Variants in FRMD3 observed in about 807,000 individuals in gnomAD.
The protein encoded by FRMD3 is FERM domain containing 3.
A neutral mutation model predicts 70.2 loss-of-function variants in FRMD3; 33 were observed. The observed-to-expected ratio is 0.47, with a 90% CI of 0.36 to 0.63. FRMD3 has a LOEUF of 0.63. Ranked by LOEUF, FRMD3 falls within the 20% of genes least tolerant of loss-of-function variation. The pLI is 0.00. For synonymous variants in FRMD3, 279 were observed against 255.9 expected (o/e 1.09, Z -0.86); for missense variants, 632 against 711.4 (o/e 0.89, Z 1.27).
At chr9:83,469,615 G>C (rs1401733739) in intron 1 of FRMD3, among the ~76,000 whole-genome samples, 1 of 152,122 alleles carries the variant, frequency 6.6e-6, no homozygotes, top group African/African-American at 2.4e-5. Context: ...TGATAAGGAT[G>C]TATGAACCAC....
chr9:83,485,967 G>A (rs575972559), intron 1 of FRMD3, among the ~76,000 whole-genome samples: 10 of 151,894 alleles, frequency 6.6e-5, no homozygotes, highest in Admixed American at 3.3e-4. Flanking sequence ...TAATGTATAT[G>A]TTGTATATCA....
At chr9:83,444,774 G>A (rs1021786993) in intron 1 of FRMD3, among the ~76,000 whole-genome samples, 1 of 152,160 alleles carries the variant, frequency 6.6e-6, no homozygotes, top group Non-Finnish European at 1.5e-5. Context: ...CTATTTTCTT[G>A]TGCAGCCCCA....
chr9:83,558,033 G>C, the FRMD3 span, among the ~76,000 whole-genome samples: 1 of 152,192 alleles, frequency 6.6e-6, no homozygotes, highest in African/African-American at 2.4e-5. Context: ...CATGAGATCA[G>C]AGTATCACTC....
At chr9:83,436,561 T>C (rs151223839) in intron 1 of FRMD3, among the ~76,000 whole-genome samples, 1 of 151,550 alleles carries the variant, frequency 6.6e-6, no homozygotes, top group East Asian at 1.9e-4. Flanking sequence ...TCATTTGAAA[T>C]ATTGCAATTC....
chr9:83,494,418 G>T (rs1828894727), intron 1 of FRMD3, among the ~76,000 whole-genome samples: 1 of 152,088 alleles, frequency 6.6e-6, no homozygotes, highest in African/African-American at 2.4e-5. Context: ...CAATTTGGTT[G>T]TTTTTTAAAT....
At chr9:83,507,736 A>ATATATATATATATATATC (rs1554713917) in intron 1 of FRMD3, among the ~76,000 whole-genome samples, 1 of 88,696 alleles carries the variant, frequency 1.1e-5, no homozygotes, top group African/African-American at 3.8e-5. Flanking sequence ...ATATATATAT[A>ATATATATATATATATATC]TATCTTCTGG....
chr9:83,294,687 G>A (rs1456871444), intron 12 of FRMD3, among the ~76,000 whole-genome samples: 1 of 152,178 alleles, frequency 6.6e-6, no homozygotes, highest in East Asian at 1.9e-4. Context: ...TGTGACTAAA[G>A]ACGCTTATAT....
the FRMD3 span, among the ~76,000 whole-genome samples, chr9:83,546,126 G>A: frequency 6.6e-6 from 1 of 152,124 alleles, no homozygotes; most frequent in Non-Finnish European, 1.5e-5. Context: ...AGAGGCCAAG[G>A]TGGGTGGATC....
At chr9:83,326,021 C>T (rs1223578675) in intron 6 of FRMD3, among the ~76,000 whole-genome samples, 1 of 152,156 alleles carries the variant, frequency 6.6e-6, no homozygotes, top group African/African-American at 2.4e-5. Flanking sequence ...GTATGTTCTA[C>T]AAAGCCTAAA....
intron 1 of FRMD3, among the ~76,000 whole-genome samples, chr9:83,437,354 A>G (rs554065357): frequency 9.1e-4 from 138 of 152,274 alleles, no homozygotes; most frequent in Non-Finnish European, 1.5e-3. Flanking sequence ...AGTTTCTTTG[A>G]CTATATAGAC....
At chr9:83,527,391 C>T (rs1349570855) in intron 1 of FRMD3, among the ~76,000 whole-genome samples, 2 of 152,138 alleles carry the variant, frequency 1.3e-5, no homozygotes, top group Non-Finnish European at 1.5e-5. Flanking sequence ...GATAGACACA[C>T]CAGGATGGAT....
At chr9:83,317,753 A>C (rs1260906938) in intron 6 of FRMD3, among the ~76,000 whole-genome samples, 2 of 152,148 alleles carry the variant, frequency 1.3e-5, no homozygotes, top group Non-Finnish European at 2.9e-5. Context: ...AGCCAATCCC[A>C]GATGGCAGCA....
At chr9:83,374,282 T>G (rs7847162) in intron 2 of FRMD3, among the ~76,000 whole-genome samples, 2 of 151,808 alleles carry the variant, frequency 1.3e-5, no homozygotes, top group East Asian at 3.9e-4. Context: ...GTCAAATTAG[T>G]GGTTTCTAAT....
At chr9:83,366,508 G>C (rs1355213878) in intron 3 of FRMD3, among the ~76,000 whole-genome samples, 1 of 152,122 alleles carries the variant, frequency 6.6e-6, no homozygotes, top group Non-Finnish European at 1.5e-5. Context: ...AGGAGGCGGA[G>C]GTTGCAGTGA....
At chr9:83,262,499 T>C (rs1256996199) in intron 13 of FRMD3, among the ~76,000 whole-genome samples, 2 of 152,250 alleles carry the variant, frequency 1.3e-5, no homozygotes, top group African/African-American at 4.8e-5. Flanking sequence ...GTCCAGCTTA[T>C]TGTAAGTTGT....
At chr9:83,480,673 T>C (rs563349566) in intron 1 of FRMD3, among the ~76,000 whole-genome samples, 3 of 152,182 alleles carry the variant, frequency 2.0e-5, no homozygotes, top group Non-Finnish European at 1.5e-5. Context: ...TTCTGTCTTT[T>C]TAGTAGAGAC....
intron 1 of FRMD3, among the ~76,000 whole-genome samples, chr9:83,403,049 A>G (rs187589941): frequency 6.6e-6 from 1 of 151,438 alleles, no homozygotes; most frequent in Non-Finnish European, 1.5e-5. Context: ...GATTACAGGC[A>G]CCCGCTACCA....
chr9:83,266,960 G>A, intron 13 of FRMD3: 3 of 1,521,136 alleles, frequency 2.0e-6, no homozygotes, highest in East Asian at 2.5e-5. Flanking sequence ...GCAGGAAGCT[G>A]GAAGCCCGCA....
At chr9:83,308,719 C>G (rs1835234793) in intron 10 of FRMD3, among the ~76,000 whole-genome samples, 2 of 152,156 alleles carry the variant, frequency 1.3e-5, no homozygotes, top group Non-Finnish European at 1.5e-5. Context: ...GAAGTCTTGT[C>G]CAGCACCTAC....
Sources: gnomAD v4.1 joint callset for allele counts (sites outside exome capture counted in the v4.1 genomes callset) on GRCh38, gnomAD v4.1.1 for gene constraint, MANE v1.5 for transcripts, NCBI Gene and HGNC (gene_info 2026-07-23, HGNC 2026-07-21) for gene names.